The following NFIA variants were observed in gnomAD, a reference collection of about 807,000 sequenced individuals.
NFIA encodes the protein nuclear factor 1 A-type.
NFIA carries 8 observed loss-of-function variants against 62.8 expected under a neutral mutation model. That is an observed-to-expected ratio of 0.13 (90% confidence interval 0.07 to 0.23). NFIA has a LOEUF of 0.23. NFIA is among the 10% of genes least tolerant of loss of function. NFIA has a pLI of 1.00. For missense variants in NFIA, 410 were observed against 642.1 expected (o/e 0.64, Z 3.91); for synonymous variants, 235 against 238.1 (o/e 0.99, Z 0.12).
chr1:61,381,991 C>G (rs373151964), intron 6 of NFIA, among the ~76,000 whole-genome samples: 1 of 152,178 alleles, frequency 6.6e-6, no homozygotes, highest in Non-Finnish European at 1.5e-5. Context: ...ATTTTTATTA[C>G]TTTTCCAGTT....
At position 61,157,420 on chromosome 1, in the gene NFIA, GA is replaced by G. The variant is rs957625642; in HGVS notation, c.559+68748del. 4.6e-5 allele frequency among the ~76,000 whole-genome samples: 7 copies of G among 151,486 alleles called. No individual in the cohort carries two copies. The South Asian group carries it at 8.3e-4, about 18-fold the overall frequency. On this transcript the variant is annotated intron_variant, in intron 2 of 10. Coordinates refer to ENST00000403491, the MANE Select transcript of NFIA (RefSeq NM_001134673.4). ...ACTTAGAATAATGTCAATAGAGGAA[GA>G]AAAAAAAGGACATATTATTATCAAA... is the stretch of plus-strand genomic sequence containing the variant.
At chr1:61,455,280 G>A in intron 10 of NFIA, 23 bp from the exon 11 acceptor site, 2 of 1,612,754 alleles carry the variant, frequency 1.2e-6, no homozygotes, top group Non-Finnish European at 1.7e-6. Flanking sequence ...GATTTTAATT[G>A]TATTTTTCCT....
intron 2 of NFIA, among the ~76,000 whole-genome samples, chr1:61,146,404 A>G (rs1268077008): frequency 1.3e-5 from 2 of 152,196 alleles, no homozygotes; most frequent in African/African-American, 2.4e-5. Context: ...CTGAGCTGCT[A>G]AGGAGCAGGT....
At chr1:61,431,536 A>ACTTGG (rs1667096364) in intron 10 of NFIA, among the ~76,000 whole-genome samples, 1 of 152,254 alleles carries the variant, frequency 6.6e-6, no homozygotes, top group South Asian at 2.1e-4. Flanking sequence ...TAGAAGAATC[A>ACTTGG]CTTGGCATGG....
intron 2 of NFIA, among the ~76,000 whole-genome samples, chr1:61,178,798 T>G (rs1457075336): frequency 1.3e-5 from 2 of 152,212 alleles, no homozygotes; most frequent in Non-Finnish European, 2.9e-5. Flanking sequence ...ACAAGCAGAC[T>G]CTGAAACAAG....
chr1:61,312,069 A>G (rs1660148310), intron 3 of NFIA, among the ~76,000 whole-genome samples: 1 of 152,202 alleles, frequency 6.6e-6, no homozygotes, highest in Non-Finnish European at 1.5e-5. Context: ...GTTGGCTGCC[A>G]CCAAAGTGTG....
At chr1:61,093,157 AAT>A (rs950373300) in intron 2 of NFIA, among the ~76,000 whole-genome samples, 1 of 152,182 alleles carries the variant, frequency 6.6e-6, no homozygotes, top group Non-Finnish European at 1.5e-5. Flanking sequence ...AAATATATTC[AAT>A]ATATTCTTTT....
chr1:61,406,608 C>T lies in NFIA; in HGVS notation c.1301C>T (p.Thr434Ile). 1 of 1,607,128 alleles carries T rather than the reference C, an allele frequency of 6.2e-7. No individual in the cohort carries two copies. The highest frequency in any genetic ancestry group is 1.1e-5 in the South Asian group (1 of 90,132). The change falls in exon 9 of 11, where the codon ACC becomes ATC. Residue 434 changes from threonine (T) to isoleucine (I), a missense_variant. Around this residue, in one of 3 missense-constraint regions of NFIA, gnomAD observed 298 missense variants for 438.1 expected, o/e 0.68. Transcript: ENST00000403491. ...QGKVHNPFLP[T>I]PMLPPPPPPP... The stretch of plus-strand genomic sequence containing the variant: ...AAGGTGCACAACCCATTCCTTCCCA[C>T]CCCAATGTTGCCACCGCCACCGCCA...
intron 2 of NFIA, among the ~76,000 whole-genome samples, chr1:61,124,111 A>G (rs1448292895): frequency 6.6e-6 from 1 of 152,130 alleles, no homozygotes; most frequent in East Asian, 1.9e-4. Flanking sequence ...TAATATAGGG[A>G]GTTGGTGTGG....
chr1:61,334,269 A>G (rs1236842681), intron 4 of NFIA, among the ~76,000 whole-genome samples: 1 of 152,000 alleles, frequency 6.6e-6, no homozygotes, highest in Non-Finnish European at 1.5e-5. Flanking sequence ...CTTGGAAGAG[A>G]GAGGTTGCTG....
At chr1:61,453,230 T>G (rs1481062139) in intron 10 of NFIA, among the ~76,000 whole-genome samples, 1 of 151,962 alleles carries the variant, frequency 6.6e-6, no homozygotes, top group East Asian at 1.9e-4. Context: ...AGCAGAGGGT[T>G]TCTTGCTAAT....
upstream of NFIA, chr1:61,081,816 C>G: frequency 6.8e-7 from 1 of 1,476,888 alleles, no homozygotes; most frequent in East Asian, 2.5e-5. Flanking sequence ...GCATAATTAC[C>G]TCTGCCGACG....
intron 2 of NFIA, among the ~76,000 whole-genome samples, chr1:61,159,317 G>A (rs1358307969): frequency 6.6e-6 from 1 of 152,150 alleles, no homozygotes; most frequent in Non-Finnish European, 1.5e-5. Context: ...GCAAGAGAAA[G>A]CATTGATCTT....
chr1:61,205,217 G>T (rs971029937), intron 2 of NFIA, among the ~76,000 whole-genome samples: 5 of 152,172 alleles, frequency 3.3e-5, no homozygotes, highest in African/African-American at 1.2e-4. Flanking sequence ...TTGAACCGAG[G>T]TTGTCTTAAT....
intron 6 of NFIA, among the ~76,000 whole-genome samples, chr1:61,374,550 C>CT (rs1241506918): frequency 2.0e-5 from 3 of 152,186 alleles, no homozygotes; most frequent in African/African-American, 7.2e-5. Context: ...ATTCTTTACT[C>CT]TCTCTGGTTG....
intron 2 of NFIA, among the ~76,000 whole-genome samples, chr1:61,206,188 TA>T (rs1419621625): frequency 1.3e-5 from 2 of 152,204 alleles, no homozygotes; most frequent in Non-Finnish European, 2.9e-5. Context: ...CTTTTTGTTA[TA>T]AAAATTGTTA....
chr1:61,423,552 A>G (rs1557773657), intron 9 of NFIA, among the ~76,000 whole-genome samples: 1 of 152,232 alleles, frequency 6.6e-6, no homozygotes, highest in Non-Finnish European at 1.5e-5. Context: ...AGATATGAAT[A>G]TGATATAATA....
intron 9 of NFIA, among the ~76,000 whole-genome samples, chr1:61,422,204 A>G (rs1038567995): frequency 6.6e-6 from 1 of 152,242 alleles, no homozygotes; most frequent in Non-Finnish European, 1.5e-5. Context: ...TCAAGGCTTC[A>G]GTAAGCTGTG....
chr1:61,335,812 A>G (rs1213583433), intron 4 of NFIA, among the ~76,000 whole-genome samples: 1 of 152,060 alleles, frequency 6.6e-6, no homozygotes, highest in Non-Finnish European at 1.5e-5. Flanking sequence ...ATTGCACTCC[A>G]GGCTGGGTGA....
Sources: gnomAD v4.1 joint callset for allele counts (sites outside exome capture counted in the v4.1 genomes callset) on GRCh38, gnomAD v4.1.1 for gene constraint, gnomAD v4.1.1 regional missense constraint, MANE v1.5 for transcripts, NCBI Gene and HGNC (gene_info 2026-07-23, HGNC 2026-07-21) for gene names.